ZMYM2: variants seen among roughly 807,000 people sequenced by gnomAD.
The protein encoded by ZMYM2 is zinc finger MYM-type protein 2.
In ZMYM2, 56 loss-of-function variants were observed where a neutral mutation model predicts 162.8. That is an observed-to-expected ratio of 0.34 (90% CI 0.28 to 0.43). The LOEUF is 0.43. Ranked by LOEUF, ZMYM2 falls within the 20% of genes least tolerant of loss-of-function variation. ZMYM2 has a pLI of 1.00. For missense variants in ZMYM2, 1,275 were observed against 1,621.8 expected (o/e 0.79, Z 3.67); for synonymous variants, 510 against 541.6 (o/e 0.94, Z 0.81).
chr13:19,998,664 A>G (rs535252470), intron 3 of ZMYM2, among the ~76,000 whole-genome samples: 5 of 152,258 alleles, frequency 3.3e-5, no homozygotes, highest in South Asian at 2.1e-4. Flanking sequence ...CTTTATTCTA[A>G]TAAGTTTGGT....
intron 14 of ZMYM2, among the ~76,000 whole-genome samples, chr13:20,057,381 G>A (rs1955880266): frequency 6.6e-6 from 1 of 151,922 alleles, no homozygotes; most frequent in Non-Finnish European, 1.5e-5. Context: ...TAGGTGATCC[G>A]CCTGTCCCGG....
the ZMYM2 span, among the ~76,000 whole-genome samples, chr13:19,879,611 G>A: frequency 1.3e-5 from 2 of 152,160 alleles, no homozygotes; most frequent in Non-Finnish European, 2.9e-5. Flanking sequence ...TTTAAAGATT[G>A]TTTTGGCTAT....
the ZMYM2 span, among the ~76,000 whole-genome samples, chr13:19,905,074 C>A: frequency 6.7e-6 from 1 of 149,062 alleles, no homozygotes; most frequent in Non-Finnish European, 1.5e-5. Flanking sequence ...TGCAGTGGCA[C>A]GATCTCGGCT....
intron 6 of ZMYM2, among the ~76,000 whole-genome samples, chr13:20,017,820 T>C (rs1482675394): frequency 2.0e-5 from 3 of 152,222 alleles, no homozygotes; most frequent in Non-Finnish European, 4.4e-5. Context: ...TGTGTATTGG[T>C]TATTGGAGCA....
At chr13:20,040,121 TC>T (rs555252644) in intron 12 of ZMYM2, among the ~76,000 whole-genome samples, 1 of 152,046 alleles carries the variant, frequency 6.6e-6, no homozygotes, top group Non-Finnish European at 1.5e-5. Flanking sequence ...TAGGGAGAAG[TC>T]CCCCCTCCTC....
the ZMYM2 span, among the ~76,000 whole-genome samples, chr13:19,923,137 C>T: frequency 6.8e-6 from 1 of 146,710 alleles, no homozygotes; most frequent in South Asian, 2.1e-4. Flanking sequence ...GTCAGGAGTT[C>T]GAGAACAACT....
the ZMYM2 span, among the ~76,000 whole-genome samples, chr13:19,920,937 AT>A: frequency 2.8e-3 from 384 of 137,956 alleles, no homozygotes; most frequent in Admixed American, 3.4e-3. Flanking sequence ...TAATTTTTGT[AT>A]TTTTTTTTTT....
At chr13:20,064,378 A>T in intron 18 of ZMYM2, 73 bp from the exon 19 acceptor site, 2 of 1,295,956 alleles carry the variant, frequency 1.5e-6, no homozygotes, top group Non-Finnish European at 2.1e-6. Flanking sequence ...TCCTGTGGTT[A>T]GTTCTTTGTT....
At chr13:19,951,972 T>C in the ZMYM2 span, among the ~76,000 whole-genome samples, 1 of 152,120 alleles carries the variant, frequency 6.6e-6, no homozygotes, top group Non-Finnish European at 1.5e-5. Context: ...ATAGCCAGGA[T>C]ATGGAGTATA....
chr13:19,878,506 A>C, the ZMYM2 span, among the ~76,000 whole-genome samples: 1 of 141,804 alleles, frequency 7.1e-6, no homozygotes, highest in African/African-American at 2.6e-5. Context: ...TGTCTATTCA[A>C]TTCCTTTGCC....
chr13:19,921,222 C>T, the ZMYM2 span, among the ~76,000 whole-genome samples: 1 of 152,100 alleles, frequency 6.6e-6, no homozygotes, highest in Non-Finnish European at 1.5e-5. Flanking sequence ...TCACTGCAAC[C>T]TCCACCTCCC....
rs187642761 is a variant in ZMYM2, at chr13:19,971,517, G to A, written c.-11+11491G>A. On this transcript the variant is annotated intron_variant, in intron 2 of 24. Coordinates refer to ENST00000610343, the MANE Select transcript of ZMYM2 (RefSeq NM_197968.4). ...ACTCCTGATCTCAGGTGATCCACCC[G>A]CCTCAGCCTCACAAGGTGTTGGGAT... Among the ~76,000 whole-genome samples, 174 of 151,646 alleles carry A rather than the reference G, an allele frequency of 1.1e-3. 1 individual carries two copies. In the Middle Eastern group the frequency reaches 0.017, roughly 15 times the overall value.
At chr13:19,988,030 G>A (rs1339770416) in intron 2 of ZMYM2, among the ~76,000 whole-genome samples, 1 of 152,210 alleles carries the variant, frequency 6.6e-6, no homozygotes, top group Non-Finnish European at 1.5e-5. Context: ...GACTGGTTTT[G>A]AAACCGAGCT....
Position 20,066,862 on chromosome 13 carries a change from A to G in ZMYM2, c.3144A>G (p.Arg1048=). 1 of 1,593,288 alleles carries G rather than the reference A, an allele frequency of 6.3e-7. No individual in the cohort carries two copies. The highest frequency in any genetic ancestry group is 8.5e-7 in the Non-Finnish European group (1 of 1,172,540). Residue 1048 remains arginine, a synonymous_variant, in exon 20 of 25, where the codon AGA becomes AGG. Transcript: ENST00000610343. ...RPRSKKKGAK[R]KAVSGYQSHD... ...TTTTTTACTAATAGGGAGCCAAGAG[A>G]AAGGCTGTATCAGGATACCAGTCTC...
chr13:20,078,008 G>A (rs1465891947), intron 21 of ZMYM2, among the ~76,000 whole-genome samples: 4 of 151,760 alleles, frequency 2.6e-5, no homozygotes, highest in East Asian at 1.9e-4. Context: ...TAGTAGAGAC[G>A]GGGTTTCACT....
chr13:19,922,416 C>T, the ZMYM2 span, among the ~76,000 whole-genome samples: 1 of 152,200 alleles, frequency 6.6e-6, no homozygotes, highest in South Asian at 2.1e-4. Context: ...CAAGCAGTTT[C>T]AAAAGACGTC....
the ZMYM2 span, among the ~76,000 whole-genome samples, chr13:19,924,236 T>A: frequency 6.6e-6 from 1 of 152,194 alleles, no homozygotes; most frequent in Non-Finnish European, 1.5e-5. Context: ...TGAATTTGAC[T>A]ACATTAAATA....
Position 20,083,776 on chromosome 13 carries a change from G to A in ZMYM2, c.3941G>A (p.Ser1314Asn). The A allele has an allele frequency of 6.2e-7, 1 of 1,602,450 alleles. No individual in the cohort carries two copies. The highest frequency in any genetic ancestry group is 8.5e-7 in the Non-Finnish European group (1 of 1,174,056). ...VKMFECYLSK[S>N]PQNLNQRMDV... ...ATGTTTGAATGCTACTTGTCTAAAAGGTGAGTGTTAATGATACTTAACTTT... is the reference window on the plus strand; with the variant it reads ...ATGTTTGAATGCTACTTGTCTAAAAAGTGAGTGTTAATGATACTTAACTTT... The change falls in exon 24 of 25, where the codon AGT becomes AAT. Residue 1314 changes from serine (S) to asparagine (N), a missense_variant and splice_region_variant. Physicochemically the swap from Ser to Asn is conservative, Grantham distance 46 (BLOSUM62 1). Coordinates refer to ENST00000610343, the MANE Select transcript of ZMYM2 (RefSeq NM_197968.4).
intron 12 of ZMYM2, among the ~76,000 whole-genome samples, chr13:20,046,607 G>A (rs259795): frequency 0.018 from 1,874 of 104,338 alleles, 47 homozygotes; most frequent in African/African-American, 0.067. Context: ...GTGTGTGTGT[G>A]TATATATATG....
Sources: gnomAD v4.1 joint callset for allele counts (sites outside exome capture counted in the v4.1 genomes callset) on GRCh38, gnomAD v4.1.1 for gene constraint, MANE v1.5 for transcripts, NCBI Gene and HGNC (gene_info 2026-07-23, HGNC 2026-07-21) for gene names.